ATAD3B: variants seen among roughly 807,000 people sequenced by gnomAD.
ATAD3B encodes the protein ATPase family AAA domain-containing protein 3B.
In ATAD3B, 59 loss-of-function variants were observed where a neutral mutation model predicts 70.2. The ratio of observed to expected loss-of-function variants is 0.84; its 90% CI spans 0.68 to 1.04. The LOEUF is 1.04. ATAD3B is among the 50% of genes least tolerant of loss of function. The pLI, the probability that ATAD3B is intolerant of heterozygous loss-of-function variation, is 0.00. For missense variants in ATAD3B, 961 were observed against 913.4 expected, an observed-to-expected ratio of 1.05 and a Z score of -0.67; for synonymous variants, 423 against 388.6, an observed-to-expected ratio of 1.09 and a Z score of -1.04.
At chr1:1,493,464 C>G (rs1479545773) in intron 15 of ATAD3B, among the ~76,000 whole-genome samples, 1 of 151,518 alleles carries the variant, frequency 6.6e-6, no homozygotes, top group Non-Finnish European at 1.5e-5. Context: ...GGTGGGGGGA[C>G]CAGTCTCGCT....
chr1:1,490,053 C>A lies in ATAD3B; in HGVS notation c.1338-204C>A. The A allele has an allele frequency of 2.1e-6, 3 of 1,407,670 alleles. No homozygotes were observed. The South Asian group carries it at 4.5e-5, about 21-fold the overall frequency. The allele number at this position is 1,407,670 out of a possible 1,614,324, so 87.2% of individuals were successfully genotyped here. ...GGGCAAGAACAGAGGCCCGAGAAGC[C>A]GGGCGGGGGGCAGCTGGGCGTGGTG... On this transcript the variant is annotated intron_variant, in intron 13 of 15. Coordinates refer to ENST00000673477, the MANE Select transcript of ATAD3B (RefSeq NM_031921.6).
At chr1:1,488,205 C>T (rs1389679347) in intron 12 of ATAD3B, among the ~76,000 whole-genome samples, 1 of 152,000 alleles carries the variant, frequency 6.6e-6, no homozygotes, top group Non-Finnish European at 1.5e-5. Context: ...GATCTGCCCA[C>T]CTGGCCTCCC....
Position 1,486,530 on chromosome 1 carries a change from C to G in ATAD3B, c.1090-14C>G. 6.2e-7 allele frequency: 1 copy of G among 1,612,106 alleles called. No individual in the cohort carries two copies. The highest frequency in any genetic ancestry group is 8.5e-7 in the Non-Finnish European group (1 of 1,179,484). On this transcript the variant is annotated splice_polypyrimidine_tract_variant and intron_variant, in intron 10 of 15. Coordinates refer to ENST00000673477, the MANE Select transcript of ATAD3B (RefSeq NM_031921.6). ...GGAACATCTGTTCTGTCTCCCCTCA[C>G]TCTTCTTGTCCAGAAACTCGCCCTG...
intron 7 of ATAD3B, chr1:1,482,840 C>A: frequency 1.5e-6 from 1 of 653,134 alleles, no homozygotes; most frequent in Non-Finnish European, 2.7e-6. Flanking sequence ...CCCATCTCTA[C>A]GAAGAATAAA....
chr1:1,473,080 C>G lies in ATAD3B; in HGVS notation c.205+991C>G, dbSNP rs1176493674. Among the ~76,000 whole-genome samples, 16 of 149,434 alleles carry G rather than the reference C, an allele frequency of 1.1e-4. No homozygotes were observed. In the Admixed American group the frequency reaches 1.1e-3, roughly 10 times the overall value. The stretch of plus-strand genomic sequence containing the variant: ...CCTCGTGATCCGCCCGCCTTGTCCT[C>G]CTGAAGTGTTGGGATTACAGGCCTG... On this transcript the variant is annotated intron_variant, in intron 1 of 15. Coordinates refer to ENST00000673477, the MANE Select transcript of ATAD3B (RefSeq NM_031921.6).
At chr1:1,476,168 G>T (rs1639577753) in intron 1 of ATAD3B, among the ~76,000 whole-genome samples, 1 of 145,726 alleles carries the variant, frequency 6.9e-6, no homozygotes, top group Non-Finnish European at 1.5e-5. Context: ...GGCCCCCGAG[G>T]TTAGCTACCA....
chr1:1,509,341 C>T, the ATAD3B span: 13 of 1,611,206 alleles, frequency 8.1e-6, no homozygotes, highest in Non-Finnish European at 1.1e-5. Flanking sequence ...GACGAGCAAC[C>T]CTCATCCTGA....
chr1:1,488,746 A>G (rs1008255077), intron 12 of ATAD3B, among the ~76,000 whole-genome samples: 1 of 151,858 alleles, frequency 6.6e-6, no homozygotes, highest in African/African-American at 2.4e-5. Context: ...GAGACAGAAC[A>G]AGACTTCGTC....
rs377267005 is a variant in ATAD3B, at chr1:1,482,489, G to T, written c.681-56G>T. 2.5e-6 allele frequency: 4 copies of T among 1,612,886 alleles called. No individual in the cohort carries two copies. The South Asian group carries it at 4.4e-5, about 18-fold the overall frequency. On this transcript the variant is annotated intron_variant, in intron 6 of 15. Coordinates refer to ENST00000673477, the MANE Select transcript of ATAD3B (RefSeq NM_031921.6). ...AGGGCCTCACCCTCAACCTGCTCTC[G>T]CTGCGTGGTACGGATCTTCGTGTCC...
chr1:1,495,332 G>T (rs1640726318), intron 15 of ATAD3B, among the ~76,000 whole-genome samples, 153 bp from the exon 16 acceptor site: 1 of 152,058 alleles, frequency 6.6e-6, no homozygotes, highest in Non-Finnish European at 1.5e-5. Flanking sequence ...CCACACGCGT[G>T]CTGGGCTCTG....
At chr1:1,487,363 C>T (rs1294060237) in intron 11 of ATAD3B, among the ~76,000 whole-genome samples, 2 of 151,778 alleles carry the variant, frequency 1.3e-5, no homozygotes, top group Admixed American at 1.3e-4. Flanking sequence ...TGGTGGGCAC[C>T]TGTAGTCCCA....
At chr1:1,473,134 CTTTT>C (rs569834397) in intron 1 of ATAD3B, among the ~76,000 whole-genome samples, 6 of 84,374 alleles carry the variant, frequency 7.1e-5, no homozygotes, top group African/African-American at 2.4e-4. Flanking sequence ...GAAGGGATTC[CTTTT>C]TTTTTTTTTT....
chr1:1,492,568 T>C (rs1640590439), intron 15 of ATAD3B, among the ~76,000 whole-genome samples: 1 of 148,524 alleles, frequency 6.7e-6, no homozygotes, highest in African/African-American at 2.5e-5. Flanking sequence ...GGCCGAGGTG[T>C]TGGATCACTT....
intron 13 of ATAD3B, chr1:1,489,787 G>T (rs1227256295): frequency 7.7e-7 from 1 of 1,293,712 alleles, no homozygotes; most frequent in Non-Finnish European, 1.0e-6. Flanking sequence ...GCTGCCGTTC[G>T]ACGCTCCCTG....
In ATAD3B at chr1:1,477,279, G is replaced by T. The variant is rs146343349; in HGVS notation, c.211G>T (p.Ala71Ser). The T allele has an allele frequency of 5.6e-3, 9,065 of 1,612,232 alleles. 488 individuals are homozygous for T. In the African/African-American group the frequency reaches 0.11, roughly 19 times the overall value. Residue 71 changes from alanine to serine, a missense_variant, in exon 2 of 16, where the codon GCC becomes TCC. Transcript: ENST00000673477. Reference sequence around the variant, plus strand: ...CGTGCCACATGCGCCCGCAGGTTACGCCAAGGAGGCCCTGAATCTGGCGCA... The same window carrying T: ...CGTGCCACATGCGCCCGCAGGTTACTCCAAGGAGGCCCTGAATCTGGCGCA... Reference protein sequence around the residue: ...AARELEHSRYAKEALNLAQMQ... With the variant: ...AARELEHSRYSKEALNLAQMQ...
chr1:1,480,718 T>G (rs1639865836), intron 4 of ATAD3B, 149 bp from the exon 5 acceptor site: 3 of 1,418,534 alleles, frequency 2.1e-6, no homozygotes, highest in Non-Finnish European at 2.8e-6. Flanking sequence ...ATGTCACCCG[T>G]GTCTGTGTCA....
intron 12 of ATAD3B, 100 bp from the exon 13 acceptor site, chr1:1,489,104 G>A (rs1414428567): frequency 8.2e-6 from 13 of 1,583,938 alleles, no homozygotes; most frequent in South Asian, 4.5e-5. Context: ...GTGTCGCCAC[G>A]TCCCTGCTCC....
In ATAD3B at chr1:1,485,063, T is replaced by A; in HGVS notation, c.798T>A (p.Asn266Lys). The A allele has an allele frequency of 1.2e-6, 2 of 1,607,052 alleles. No individual in the cohort carries two copies. The highest frequency in any genetic ancestry group is 1.7e-6 in the Non-Finnish European group (2 of 1,178,106). ...CTGTCGGGGTCTACTCAGCCAAGAA[T>A]GCGACAGCCGTCACTGGCCGCTTCA... ...LLAVGVYSAK[N>K]ATAVTGRFIE... Residue 266 changes from asparagine to lysine, a missense_variant, in exon 8 of 16, where the codon AAT (asparagine) becomes AAA (lysine). Physicochemically the swap from Asn to Lys is moderately conservative, Grantham distance 94. Coordinates refer to ENST00000673477, the MANE Select transcript of ATAD3B (RefSeq NM_031921.6).
At chr1:1,505,311 G>A in the ATAD3B span, among the ~76,000 whole-genome samples, 1 of 152,174 alleles carries the variant, frequency 6.6e-6, no homozygotes, top group Non-Finnish European at 1.5e-5. Flanking sequence ...CTGCTTATCA[G>A]AGACTTTTAG....
Sources: gnomAD v4.1 joint callset for allele counts (sites outside exome capture counted in the v4.1 genomes callset) on GRCh38, gnomAD v4.1.1 for gene constraint, MANE v1.5 for transcripts, NCBI Gene and HGNC (gene_info 2026-07-23, HGNC 2026-07-21) for gene names.